NEBL: variants seen among roughly 807,000 people sequenced by gnomAD.
NEBL encodes the protein nebulette, also known as LIM and SH3 protein 2.
In NEBL, 122 loss-of-function variants were observed where a neutral mutation model predicts 140.2. The ratio of observed to expected loss-of-function variants is 0.87; its 90% CI spans 0.75 to 1.01. The LOEUF is 1.01. NEBL is among the 50% of genes least tolerant of loss of function. NEBL has a pLI of 0.00. For synonymous variants in NEBL, 436 were observed against 398.9 expected (o/e 1.09, Z -1.11); for missense variants, 1,365 against 1,231.3 (o/e 1.11, Z -1.62).
intron 2 of NEBL, among the ~76,000 whole-genome samples, chr10:21,084,809 G>T: frequency 6.6e-6 from 1 of 152,080 alleles, no homozygotes; most frequent in African/African-American, 2.4e-5. Flanking sequence ...AGGGGCATAC[G>T]CACTAGCACA....
At chr10:20,789,937 A>G (rs943673870) in intron 26 of NEBL, among the ~76,000 whole-genome samples, 1 of 150,242 alleles carries the variant, frequency 6.7e-6, no homozygotes, top group Non-Finnish European at 1.5e-5. Flanking sequence ...GTATATGTGT[A>G]TATATATATG....
At chr10:21,150,189 T>A (rs576960346) in intron 2 of NEBL, among the ~76,000 whole-genome samples, 16 of 152,348 alleles carry the variant, frequency 1.1e-4, no homozygotes, top group African/African-American at 3.8e-4. Flanking sequence ...AAATAAAATA[T>A]GGACCAAAAA....
intron 2 of NEBL, among the ~76,000 whole-genome samples, chr10:21,057,157 C>T (rs1160937054): frequency 1.3e-5 from 2 of 151,812 alleles, no homozygotes; most frequent in African/African-American, 2.4e-5. Flanking sequence ...GATCTTATGC[C>T]GGGCTTTCAC....
At position 21,116,819 on chromosome 10, in the gene NEBL, C is replaced by T. The variant is rs377255257; in HGVS notation, c.164+55564G>A. Among the ~76,000 whole-genome samples, 69 of 151,934 alleles carry T rather than the reference C, an allele frequency of 4.5e-4. No individual in the cohort carries two copies. The South Asian group carries it at 0.012, about 27-fold the overall frequency. On this transcript the variant is annotated intron_variant, in intron 2 of 6. Transcript: ENST00000417816. ...TGAGCAGCTGGGACTACAGGTGTGC[C>T]GCACCAATCCCAGCAACTTTTTAAA...
At chr10:21,015,640 T>A (rs1425484322) in intron 3 of NEBL, among the ~76,000 whole-genome samples, 3 of 152,088 alleles carry the variant, frequency 2.0e-5, no homozygotes, top group Non-Finnish European at 4.4e-5. Flanking sequence ...GCCTCCTGAG[T>A]AGCTGAGACT....
At chr10:21,150,858 C>G (rs985185650) in intron 2 of NEBL, among the ~76,000 whole-genome samples, 1 of 152,136 alleles carries the variant, frequency 6.6e-6, no homozygotes, top group African/African-American at 2.4e-5. Flanking sequence ...TGGAATTTCA[C>G]CAACTTCTTC....
rs534072641 is a variant in NEBL, at chr10:20,840,147, C to A, written c.1338+592G>T. 2.6e-5 allele frequency among the ~76,000 whole-genome samples: 4 copies of A among 152,072 alleles called. No homozygotes were observed. The South Asian group carries it at 8.3e-4, about 32-fold the overall frequency. ...TCATCAGAGTTTCAAAATATGGGGA[C>A]AAGGCTTTAAGCTCTTTCACTGCTA... On this transcript the variant is annotated intron_variant, in intron 13 of 27. Transcript: ENST00000377122.
At chr10:21,254,611 T>C (rs1207588003) in intron 1 of NEBL, among the ~76,000 whole-genome samples, 1 of 152,162 alleles carries the variant, frequency 6.6e-6, no homozygotes, top group Admixed American at 6.5e-5. Context: ...ATCCAACTAA[T>C]AATAATGGAA....
intron 2 of NEBL, among the ~76,000 whole-genome samples, chr10:21,154,133 G>T (rs944008394): frequency 6.6e-6 from 1 of 151,930 alleles, no homozygotes. Flanking sequence ...AGAATAAATT[G>T]TCTTTAAAGC....
intron 4 of NEBL, among the ~76,000 whole-genome samples, chr10:20,949,022 A>T (rs1215418425): frequency 6.6e-6 from 1 of 152,218 alleles, no homozygotes; most frequent in Non-Finnish European, 1.5e-5. Flanking sequence ...GCTATTTCAG[A>T]TGCATGTATG....
intron 3 of NEBL, among the ~76,000 whole-genome samples, chr10:21,194,031 G>A (rs1358944707): frequency 2.0e-5 from 3 of 152,104 alleles, no homozygotes; most frequent in Non-Finnish European, 4.4e-5. Context: ...CTAGAGTACA[G>A]TACCGTGATC....
At chr10:21,028,938 G>A in intron 2 of NEBL, 1 of 489,812 alleles carries the variant, frequency 2.0e-6, no homozygotes, top group South Asian at 3.2e-5. Context: ...CTAAAAAATA[G>A]CTATACTAAT....
chr10:21,135,448 A>T (rs2132080515), intron 2 of NEBL, among the ~76,000 whole-genome samples: 1 of 152,022 alleles, frequency 6.6e-6, no homozygotes, highest in East Asian at 1.9e-4. Context: ...AAAAAAAAAA[A>T]TCTGGCAATG....
chr10:21,096,886 T>C (rs916142805), intron 2 of NEBL, among the ~76,000 whole-genome samples: 12 of 152,074 alleles, frequency 7.9e-5, no homozygotes, highest in African/African-American at 2.9e-4. Context: ...TCTCTCCTTT[T>C]TGCATCACTC....
intron 24 of NEBL, among the ~76,000 whole-genome samples, chr10:20,811,930 C>A (rs1445325502): frequency 6.6e-6 from 1 of 152,180 alleles, no homozygotes; most frequent in Non-Finnish European, 1.5e-5. Context: ...ATGATCTTTT[C>A]TGATATCTCA....
At chr10:20,916,796 C>T (rs1347056266) in intron 4 of NEBL, among the ~76,000 whole-genome samples, 1 of 152,124 alleles carries the variant, frequency 6.6e-6, no homozygotes, top group Non-Finnish European at 1.5e-5. Flanking sequence ...TTCCTCAAGG[C>T]AATAGGCTAT....
chr10:21,216,219 A>G (rs539691290), intron 3 of NEBL, among the ~76,000 whole-genome samples: 2 of 152,260 alleles, frequency 1.3e-5, no homozygotes, highest in African/African-American at 4.8e-5. Context: ...CTCTCACTAA[A>G]TATACACCCC....
intron 2 of NEBL, chr10:21,030,442 T>A: frequency 1.5e-6 from 1 of 672,564 alleles, no homozygotes; most frequent in Non-Finnish European, 2.7e-6. Context: ...ACTGTCACTC[T>A]CCAACTTCTA....
chr10:20,961,831 C>A (rs376697026), intron 3 of NEBL: 1 of 1,391,136 alleles, frequency 7.2e-7, no homozygotes, highest in South Asian at 1.2e-5. Flanking sequence ...GAATCCCACT[C>A]GGGATAGGCT....
Sources: allele counts gnomAD v4.1 joint callset (sites outside exome capture counted in the v4.1 genomes callset), GRCh38; gene constraint gnomAD v4.1.1; transcripts MANE v1.5; gene names NCBI Gene and HGNC (gene_info 2026-07-23, HGNC 2026-07-21).